The following GALC variants were observed in gnomAD, a reference collection of about 807,000 sequenced individuals.
The protein encoded by GALC is galactosylceramidase.
A neutral mutation model predicts 91.8 loss-of-function variants in GALC; 77 were observed. That is an observed-to-expected ratio of 0.84 (90% CI 0.70 to 1.01). The LOEUF (loss-of-function observed/expected upper bound fraction) is 1.01, where lower values mean the gene tolerates loss of function less well. Among genes scored for constraint, GALC ranks in the 50% least tolerant of loss-of-function variants. The probability of loss-of-function intolerance (pLI) is 0.00; values close to 1 mark genes in which losing one functional copy is unlikely to be tolerated. For synonymous variants in GALC, 357 were observed against 306.7 expected (o/e 1.16, Z -1.71); for missense variants, 882 against 855.9 (o/e 1.03, Z -0.38).
At position 87,992,991 on chromosome 14, in the gene GALC, G is replaced by A. The variant is rs1302551246; in HGVS notation, c.174C>T (p.Ile58=). 1 of 1,533,248 alleles carries A rather than the reference G, an allele frequency of 6.5e-7. No individual in the cohort carries two copies. The highest frequency in any genetic ancestry group is 8.7e-7 in the Non-Finnish European group (1 of 1,148,960). The allele number at this position is 1,533,248 out of a possible 1,614,324, so 95.0% of individuals were successfully genotyped here. ...TCACCCCGCCGCCGCTGACCGCGCC[G>A]ATGCCGTCGAACTCCCGGCCCAGCC... ...SDGLGREFDG[I]GAVSGGGATS... Residue 58 remains isoleucine (I), a synonymous_variant, in exon 1 of 17, where the codon ATC becomes ATT. Transcript: ENST00000261304.
chr14:87,993,401 C>A (rs747712124), upstream of GALC: 1 of 1,535,840 alleles, frequency 6.5e-7, no homozygotes, highest in Non-Finnish European at 8.7e-7. Context: ...TCTCTTCCGG[C>A]GTCACCTGGT....
intron 10 of GALC, among the ~76,000 whole-genome samples, chr14:87,957,559 C>T (rs1010912713): frequency 6.6e-6 from 1 of 152,106 alleles, no homozygotes; most frequent in Non-Finnish European, 1.5e-5. Context: ...TGTCAAAGAT[C>T]AGTTGGTTTT....
At chr14:87,968,995 T>C (rs1488535118) in intron 7 of GALC, among the ~76,000 whole-genome samples, 1 of 152,102 alleles carries the variant, frequency 6.6e-6, no homozygotes, top group African/African-American at 2.4e-5. Context: ...ACTCCTGTCC[T>C]TAGAACACAG....
chr14:87,934,499 G>C lies in GALC; in HGVS notation c.*233C>G, dbSNP rs1884486055. On this transcript the variant is annotated 3_prime_UTR_variant, in exon 17 of 17. Transcript: ENST00000261304. ...GGTATGGCCAATGCACAGTTTGAAT[G>C]TTAGGGAACACACCAGGTAATGTTA... The C allele has an allele frequency of 2.1e-6, 3 of 1,405,834 alleles. No homozygotes were observed. The highest frequency in any genetic ancestry group is 9.2e-7 in the Non-Finnish European group (1 of 1,083,144). The allele number at this position is 1,405,834 out of a possible 1,614,324, so 87.1% of individuals were successfully genotyped here.
rs1461334592 is a variant in GALC at position 87,945,624 on chromosome 14, A to G, written c.1599T>C (p.Val533=). ...CCCATGTAATGGGTCTCTGGTTGAG[A>G]ACTTGGCGTAGCGTGAAGTGATGCT... is the stretch of plus-strand genomic sequence containing the variant. ...PGEHHFTLRQ[V]LNQRPITWAA... Residue 533 remains valine (V), a synonymous_variant, in exon 14 of 17, where the codon GTT becomes GTC. Coordinates refer to ENST00000261304, the MANE Select transcript of GALC (RefSeq NM_000153.4). 6.2e-7 allele frequency: 1 copy of G among 1,610,842 alleles called. No individual in the cohort carries two copies. Among genetic ancestry groups the G allele is most frequent in the East Asian group, 2.2e-5 (1 of 44,828 alleles).
chr14:87,969,332 A>C (rs2140003289), intron 7 of GALC, among the ~76,000 whole-genome samples: 1 of 152,342 alleles, frequency 6.6e-6, no homozygotes, highest in Non-Finnish European at 1.5e-5. Context: ...TCAATAGTGC[A>C]GCAGGTGAGA....
intron 10 of GALC, chr14:87,954,818 C>G: frequency 1.2e-6 from 2 of 1,606,364 alleles, no homozygotes; most frequent in African/African-American, 1.3e-5. Flanking sequence ...GAACTAGAAA[C>G]AGATAAGAAC....
chr14:87,985,057 A>T (rs1201394168), intron 4 of GALC, among the ~76,000 whole-genome samples: 1 of 152,216 alleles, frequency 6.6e-6, no homozygotes, highest in Admixed American at 6.5e-5. Context: ...GTTTGTTCTT[A>T]TATCACTATA....
chr14:87,975,749 CACAT>C (rs1460773267), intron 7 of GALC, among the ~76,000 whole-genome samples: 2 of 151,608 alleles, frequency 1.3e-5, no homozygotes, highest in African/African-American at 2.4e-5. Flanking sequence ...AAATTCTACA[CACAT>C]ACATACACAC....
Position 87,992,976 on chromosome 14 carries a change from G to C in GALC, c.189C>G (p.Gly63=). ...REFDGIGAVS[G]GGATSRLLVN... ...CCCGCAGCTTGCCGCTCACCCCGCC[G>C]CCGCTGACCGCGCCGATGCCGTCGA... The change falls in exon 1 of 17, where the codon GGC becomes GGG. Residue 63 remains glycine (G), a synonymous_variant. Coordinates refer to ENST00000261304, the MANE Select transcript of GALC (RefSeq NM_000153.4). 1.3e-6 allele frequency: 2 copies of C among 1,522,828 alleles called. No individual in the cohort carries two copies. Among genetic ancestry groups the C allele is most frequent in the Non-Finnish European group, 1.7e-6 (2 of 1,144,380 alleles). 94.3% of individuals were successfully genotyped at this position (1,522,828 alleles called of 1,614,324 possible).
At chr14:87,954,206 G>T in intron 10 of GALC, 3 of 1,567,912 alleles carry the variant, frequency 1.9e-6, no homozygotes, top group Non-Finnish European at 2.6e-6. Flanking sequence ...ATCTTCCTCC[G>T]AGGCAGCCTC....
chr14:87,991,902 T>C (rs1217672723), intron 1 of GALC, among the ~76,000 whole-genome samples: 2 of 152,168 alleles, frequency 1.3e-5, no homozygotes, highest in Admixed American at 1.3e-4. Flanking sequence ...CCTCACTCCA[T>C]GAAATATTGG....
chr14:87,947,829 A>G lies in GALC; in HGVS notation c.1388T>C (p.Leu463Pro), dbSNP rs1885136087. 6.2e-7 allele frequency: 1 copy of G among 1,612,758 alleles called. No individual in the cohort carries two copies. The highest frequency in any genetic ancestry group is 8.5e-7 in the Non-Finnish European group (1 of 1,179,134). ...SFTLSLHEDE[L>P]FTLTTLTTGR... ...AGTGGTGAGAGTGGTGAGTGTGAACAGCTCATCTTCATGCAGGCTCAGTGT... is the reference window on the plus strand; with the variant it reads ...AGTGGTGAGAGTGGTGAGTGTGAACGGCTCATCTTCATGCAGGCTCAGTGT... Residue 463 changes from leucine (L) to proline (P), a missense_variant, in exon 13 of 17, where the codon CTG becomes CCG. Physicochemically the swap from Leu to Pro is moderately conservative, Grantham distance 98. Coordinates refer to ENST00000261304, the MANE Select transcript of GALC (RefSeq NM_000153.4).
At chr14:87,983,412 C>T (rs1168543259) in intron 5 of GALC, among the ~76,000 whole-genome samples, 1 of 152,170 alleles carries the variant, frequency 6.6e-6, no homozygotes, top group Non-Finnish European at 1.5e-5. Context: ...CTTCTGACTT[C>T]CTCCAGCCCT....
At chr14:87,981,271 A>C (rs142779480) in intron 6 of GALC, 1 of 145,970 alleles carries the variant, frequency 6.9e-6, no homozygotes, top group South Asian at 2.3e-4. Flanking sequence ...ATGCAAAGGC[A>C]TAAGAATGAT....
intron 1 of GALC, among the ~76,000 whole-genome samples, chr14:87,989,407 A>G (rs1029733021): frequency 1.5e-4 from 23 of 151,950 alleles, no homozygotes; most frequent in Admixed American, 1.3e-4. Context: ...AAACATCCCC[A>G]GTCCCTACCA....
intron 7 of GALC, among the ~76,000 whole-genome samples, chr14:87,971,246 G>C (rs1310964569): frequency 6.6e-6 from 1 of 152,144 alleles, no homozygotes; most frequent in Non-Finnish European, 1.5e-5. Flanking sequence ...TCAGCAGATG[G>C]TATATGGAAA....
chr14:87,935,410 C>T (rs1446729794), intron 16 of GALC, among the ~76,000 whole-genome samples: 2 of 152,118 alleles, frequency 1.3e-5, no homozygotes, highest in South Asian at 2.1e-4. Flanking sequence ...TAGAATATCA[C>T]TTCAAAGCCA....
intron 7 of GALC, among the ~76,000 whole-genome samples, chr14:87,970,549 TTTC>T (rs1439335001): frequency 2.6e-5 from 4 of 152,102 alleles, no homozygotes; most frequent in African/African-American, 9.7e-5. Context: ...AATCTGGGTC[TTTC>T]TTAATGTATA....
Sources: allele counts gnomAD v4.1 joint callset (sites outside exome capture counted in the v4.1 genomes callset), GRCh38; gene constraint gnomAD v4.1.1; transcripts MANE v1.5; gene names NCBI Gene and HGNC (gene_info 2026-07-23, HGNC 2026-07-21).